DMD: variants seen among roughly 807,000 people sequenced by gnomAD.
The protein encoded by DMD is mutant dystrophin.
DMD carries 63 observed loss-of-function variants against 330.1 expected under a neutral mutation model. The ratio of observed to expected loss-of-function variants is 0.19; its 90% confidence interval spans 0.16 to 0.24. DMD has a LOEUF of 0.24. Among genes scored for constraint, DMD ranks in the 10% least tolerant of loss-of-function variants. The pLI, the probability that DMD is intolerant of heterozygous loss-of-function variation, is 1.00. For synonymous variants in DMD, 1,223 were observed against 959.8 expected (o/e 1.27, Z -5.07); for missense variants, 3,344 against 2,684.1 (o/e 1.25, Z -5.43).
chrX:31,349,654 T>C (rs754914644), intron 60 of DMD, among the ~76,000 whole-genome samples: 1 of 111,988 alleles, frequency 8.9e-6, no homozygotes, highest in Non-Finnish European at 1.9e-5. Flanking sequence ...AGTTCTATTC[T>C]TGGTGGGGAA....
intron 44 of DMD, among the ~76,000 whole-genome samples, chrX:32,054,364 C>T (rs780852609): frequency 1.2e-5 from 1 of 80,119 alleles, no homozygotes; most frequent in East Asian, 5.0e-4. Flanking sequence ...CCACAACAGG[C>T]CCCGGTGTGT....
At position 32,438,324 on chromosome X, in the gene DMD, G is replaced by C; in HGVS notation, c.3988C>G (p.Leu1330Val). The C allele has an allele frequency of 8.3e-7, 1 of 1,211,298 alleles. No individual in the cohort carries two copies. Among genetic ancestry groups the C allele is most frequent in the South Asian group, 1.8e-5 (1 of 56,995 alleles). ...PNQIRILAQTLTDGGVMDELI... is the reference protein window; with the variant it reads ...PNQIRILAQTVTDGGVMDELI... ...TCATCCATGACTCCGCCATCTGTTAGGGTCTGTGCCAATATGCGAATCTGA... is the reference window on the plus strand; with the variant it reads ...TCATCCATGACTCCGCCATCTGTTACGGTCTGTGCCAATATGCGAATCTGA... Residue 1330 changes from leucine to valine, a missense_variant, in exon 29 of 79, where the codon CTA (leucine) becomes GTA (valine). By Grantham distance (32) the Leu-to-Val change is conservative (BLOSUM62 1). Coordinates refer to ENST00000357033, the MANE Select transcript of DMD (RefSeq NM_004006.3).
At chrX:32,283,148 A>C (rs867811584) in intron 43 of DMD, among the ~76,000 whole-genome samples, 95 of 111,624 alleles carry the variant, frequency 8.5e-4, no homozygotes, top group African/African-American at 2.9e-3. Context: ...CATATATAGC[A>C]GACCTTAATC....
chrX:31,248,927 G>A (rs1298593244), intron 63 of DMD, among the ~76,000 whole-genome samples: 1 of 111,540 alleles, frequency 9.0e-6, no homozygotes, highest in African/African-American at 3.3e-5. Context: ...TGGGGCTCTG[G>A]TGATACCACC....
chrX:32,697,774 A>C (rs1242130911), intron 9 of DMD, 96 bp downstream of exon 9: 1 of 1,125,458 alleles, frequency 8.9e-7, no homozygotes. Context: ...ACGAGGAGAT[A>C]AAAGGCACTG....
intron 61 of DMD, among the ~76,000 whole-genome samples, chrX:31,327,584 T>C (rs938552625): frequency 2.7e-5 from 3 of 112,076 alleles, no homozygotes; most frequent in Admixed American, 9.5e-5. Flanking sequence ...CCTTCATTCA[T>C]CTCTCTACTT....
intron 40 of DMD, chrX:32,342,825 C>A: frequency 2.7e-6 from 1 of 375,520 alleles, no homozygotes; most frequent in Non-Finnish European, 5.0e-6. Context: ...AGAAGTCGTC[C>A]ATATACCGAT....
intron 2 of DMD, among the ~76,000 whole-genome samples, chrX:32,937,640 G>A (rs1479401366): frequency 9.2e-6 from 1 of 108,131 alleles, no homozygotes; most frequent in Non-Finnish European, 1.9e-5. Context: ...CATTGGATGA[G>A]TAGACGAATG....
chrX:32,953,472 T>G lies in DMD; in HGVS notation c.93+66667A>C, dbSNP rs368239003. Among the ~76,000 whole-genome samples the G allele has an allele frequency of 9.8e-5, 11 of 112,265 alleles. No homozygotes were observed. The East Asian group carries it at 1.4e-3, about 14-fold the overall frequency. On this transcript the variant is annotated intron_variant, in intron 2 of 78. Transcript: ENST00000357033. ...AAAATGATAAATATTAAATATCGGCTAGATACAAAATATTATCATTGGTGT... is the reference window on the plus strand; with the variant it reads ...AAAATGATAAATATTAAATATCGGCGAGATACAAAATATTATCATTGGTGT...
At chrX:32,973,367 C>A (rs897152723) in intron 2 of DMD, among the ~76,000 whole-genome samples, 1 of 112,120 alleles carries the variant, frequency 8.9e-6, no homozygotes, top group African/African-American at 3.2e-5. Flanking sequence ...GGGTCTATGT[C>A]CTTTCCTCTT....
chrX:33,143,100 C>T (rs908297162), intron 1 of DMD, among the ~76,000 whole-genome samples: 13 of 111,448 alleles, frequency 1.2e-4, no homozygotes, highest in African/African-American at 4.2e-4. Context: ...ATTTACAGAG[C>T]AAAACAAATG....
intron 7 of DMD, among the ~76,000 whole-genome samples, chrX:32,709,677 A>G (rs2065005803): frequency 1.8e-5 from 2 of 110,923 alleles, no homozygotes; most frequent in Admixed American, 9.6e-5. Context: ...TGCATTTTTG[A>G]TTCATTCTCA....
intron 44 of DMD, among the ~76,000 whole-genome samples, chrX:31,968,799 A>G (rs772444914): frequency 2.7e-5 from 3 of 111,998 alleles, no homozygotes; most frequent in African/African-American, 9.7e-5. Context: ...CAAATCAATT[A>G]GTTGGAAACC....
chrX:32,076,495 T>C (rs1471552963), intron 44 of DMD, among the ~76,000 whole-genome samples: 2 of 107,702 alleles, frequency 1.9e-5, no homozygotes, highest in Non-Finnish European at 3.8e-5. Flanking sequence ...TTTTCCTGCC[T>C]CAGCCTCCCG....
chrX:31,855,307 C>T (rs1440579654), intron 48 of DMD, among the ~76,000 whole-genome samples: 2 of 111,715 alleles, frequency 1.8e-5, no homozygotes, highest in East Asian at 5.6e-4. Flanking sequence ...GATCTAAGGA[C>T]TAGAAAGGCA....
chrX:31,643,597 A>C (rs1418982070), intron 54 of DMD, among the ~76,000 whole-genome samples: 1 of 112,086 alleles, frequency 8.9e-6, no homozygotes, highest in African/African-American at 3.2e-5. Context: ...TTTGTTAGTG[A>C]AATATGTGCT....
intron 47 of DMD, among the ~76,000 whole-genome samples, chrX:31,925,759 C>G (rs1163966769): frequency 3.7e-5 from 4 of 108,628 alleles, no homozygotes; most frequent in African/African-American, 1.3e-4. Context: ...GTAATCCCAG[C>G]TACTCGGGAA....
At chrX:32,447,986 T>C (rs1017110273) in intron 27 of DMD, among the ~76,000 whole-genome samples, 1 of 110,992 alleles carries the variant, frequency 9.0e-6, no homozygotes, top group African/African-American at 3.3e-5. Context: ...AAGAACTCTA[T>C]GGGGCACGGC....
intron 6 of DMD, among the ~76,000 whole-genome samples, chrX:32,809,919 C>CCAAAAAAAAAA (rs2077222247): frequency 3.5e-5 from 1 of 28,660 alleles, no homozygotes; most frequent in African/African-American, 1.3e-4. Context: ...TTGTTTCTAC[C>CCAAAAAAAAAA]AAAAAAAAAA....
Sources: gnomAD v4.1 joint callset for allele counts (sites outside exome capture counted in the v4.1 genomes callset) on GRCh38, gnomAD v4.1.1 for gene constraint, MANE v1.5 for transcripts, NCBI Gene and HGNC (gene_info 2026-07-23, HGNC 2026-07-21) for gene names.